The following TLL2 variants were observed in gnomAD, a reference collection of about 807,000 sequenced individuals.
TLL2 encodes tolloid like 2, also known as tolloid-like protein 2.
A neutral mutation model predicts 123.0 loss-of-function variants in TLL2; 106 were observed. That is an observed-to-expected ratio of 0.86 (90% CI 0.74 to 1.01). The LOEUF is 1.01. Among genes scored for constraint, TLL2 ranks in the 50% least tolerant of loss-of-function variants. TLL2 has a pLI of 0.00. For synonymous variants in TLL2, 494 were observed against 516.8 expected, an observed-to-expected ratio of 0.96 and a Z score of 0.60; for missense variants, 1,332 against 1,336.7, an observed-to-expected ratio of 1.00 and a Z score of 0.06.
intron 10 of TLL2, among the ~76,000 whole-genome samples, chr10:96,401,503 TACAC>T (rs60660163): frequency 3.4e-4 from 50 of 147,788 alleles, no homozygotes; most frequent in Admixed American, 4.7e-4. Flanking sequence ...GCTGGCACTC[TACAC>T]ACACACACAC....
intron 10 of TLL2, among the ~76,000 whole-genome samples, chr10:96,399,511 C>T (rs929684707): frequency 2.6e-5 from 4 of 152,072 alleles, no homozygotes; most frequent in Non-Finnish European, 4.4e-5. Flanking sequence ...CCACCTGTAG[C>T]CTTTTGGAAT....
Position 96,370,116 on chromosome 10 carries a change from G to C in TLL2, c.2862C>G (p.Tyr954Ter), listed in dbSNP as rs769265877. ...TGGGCGCTGAGCTGTCGTAGCCGTC[G>C]TAGGCTTCCATGTAGTCGTAGCCGC... ...ADCGYDYMEA[Y>*]DGYDSSAPRL... Residue 954 changes from tyrosine to a stop codon, truncating the protein, a stop_gained, in exon 20 of 21, where the codon TAC (tyrosine) becomes TAG (stop). Transcript: ENST00000357947. LOFTEE classifies it high-confidence loss of function. 10 of 1,613,154 alleles carry C rather than the reference G, an allele frequency of 6.2e-6. No homozygotes were observed. The Admixed American group carries it at 1.7e-4, about 27-fold the overall frequency.
chr10:96,416,406 T>G (rs1846562141), intron 7 of TLL2, among the ~76,000 whole-genome samples: 1 of 152,162 alleles, frequency 6.6e-6, no homozygotes. Flanking sequence ...TTGCACCAAC[T>G]CATTTCATCT....
At chr10:96,405,167 A>C (rs988993154) in intron 10 of TLL2, 65 bp downstream of exon 10, 1 of 1,471,754 alleles carries the variant, frequency 6.8e-7, no homozygotes, top group Non-Finnish European at 9.5e-7. Context: ...GACCTTCCAG[A>C]CATTAACAGC....
At chr10:96,439,193 C>T (rs1846826853) in intron 3 of TLL2, among the ~76,000 whole-genome samples, 1 of 149,316 alleles carries the variant, frequency 6.7e-6, no homozygotes, top group Non-Finnish European at 1.5e-5. Context: ...CTCCACCTCC[C>T]AAGTTCAAGA....
In TLL2 at chr10:96,461,907, T is replaced by C. The variant is rs560959819; in HGVS notation, c.287-15739A>G. On this transcript the variant is annotated intron_variant, in intron 2 of 20. Coordinates refer to ENST00000357947, the MANE Select transcript of TLL2 (RefSeq NM_012465.4). ...CCATATCAGTCCCATAGTATAATTC[T>C]GTGTGACCCCATCTATCACCCCTAT... Among the ~76,000 whole-genome samples the C allele has an allele frequency of 3.9e-5, 6 of 152,336 alleles. No homozygotes were observed. In the East Asian group the frequency reaches 1.2e-3, roughly 29 times the overall value.
intron 11 of TLL2, 108 bp downstream of exon 11, chr10:96,397,078 C>T: frequency 1.0e-6 from 1 of 985,878 alleles, no homozygotes; most frequent in Admixed American, 2.5e-5. Context: ...GCCCCCACCC[C>T]TGTGGCTCTG....
intron 1 of TLL2, among the ~76,000 whole-genome samples, chr10:96,486,398 C>T (rs978915413): frequency 3.9e-5 from 6 of 152,314 alleles, no homozygotes; most frequent in African/African-American, 1.4e-4. Flanking sequence ...TACCCTACTT[C>T]AGTTGTTCTG....
chr10:96,476,240 A>ATATATATATATATATATTTTTTTTTTTT lies in TLL2; in HGVS notation c.286+4108_286+4109insAAAAAAAAAAAATATATATATATATATA. 3.9e-4 allele frequency among the ~76,000 whole-genome samples: 8 copies of ATATATATATATATATATTTTTTTTTTTT among 20,476 alleles called. 2 individuals are homozygous for ATATATATATATATATATTTTTTTTTTTT. Among genetic ancestry groups the ATATATATATATATATATTTTTTTTTTTT allele is most frequent in the Admixed American group, 5.2e-4 (1 of 1,916 alleles). 13.4% of individuals were successfully genotyped at this position (20,476 alleles called of 152,430 possible). On this transcript the variant is annotated intron_variant, in intron 2 of 20. Transcript: ENST00000357947. ...TTTATATGTATATATATATATATAT[A>ATATATATATATATATATTTTTTTTTTTT]TTTTATTTTTGTTGTTGTTGTTGTT...
Position 96,379,019 on chromosome 10 carries a change from G to A in TLL2, c.2268C>T (p.Cys756=). ...GGAGCCAGTAGCCGTTTCTGCACCT[G>A]CACAGGTAGCTCCCGAAGGTGTTGA... is the stretch of plus-strand genomic sequence containing the variant. ...ECVNTFGSYL[C]RCRNGYWLHE... The change falls in exon 17 of 21, where the codon TGC becomes TGT. Residue 756 remains cysteine, a synonymous_variant. Coordinates refer to ENST00000357947, the MANE Select transcript of TLL2 (RefSeq NM_012465.4). 6.2e-7 allele frequency: 1 copy of A among 1,614,208 alleles called. No homozygotes were observed. Among genetic ancestry groups the A allele is most frequent in the South Asian group, 1.1e-5 (1 of 91,080 alleles).
chr10:96,368,316 G>C, intron 20 of TLL2, 94 bp from the exon 21 acceptor site: 2 of 1,437,830 alleles, frequency 1.4e-6, no homozygotes, highest in Non-Finnish European at 1.9e-6. Context: ...AAGGACACAG[G>C]ATGTGTCTCT....
At chr10:96,388,384 G>C (rs1325637661) in intron 13 of TLL2, among the ~76,000 whole-genome samples, 2 of 152,142 alleles carry the variant, frequency 1.3e-5, no homozygotes, top group Non-Finnish European at 2.9e-5. Context: ...CTGGGCAACG[G>C]AGCAAGACTC....
At chr10:96,422,034 T>A (rs1212821719) in intron 6 of TLL2, among the ~76,000 whole-genome samples, 1 of 152,214 alleles carries the variant, frequency 6.6e-6, no homozygotes, top group Non-Finnish European at 1.5e-5. Flanking sequence ...TATAAAATTA[T>A]TTGACATAAG....
At chr10:96,429,746 T>C (rs571631586) in intron 4 of TLL2, among the ~76,000 whole-genome samples, 80 of 152,356 alleles carry the variant, frequency 5.3e-4, no homozygotes, top group Non-Finnish European at 9.8e-4. Flanking sequence ...TGTGTACTTT[T>C]GCACGGGGTT....
At chr10:96,384,884 T>A (rs1248789242) in intron 15 of TLL2, 117 bp from the exon 16 acceptor site, 3 of 1,014,118 alleles carry the variant, frequency 3.0e-6, no homozygotes, top group Non-Finnish European at 4.1e-6. Context: ...CGGGGGAGGG[T>A]CCCTTGACTC....
intron 18 of TLL2, among the ~76,000 whole-genome samples, chr10:96,376,146 A>G (rs1846136143): frequency 6.6e-6 from 1 of 152,246 alleles, no homozygotes; most frequent in Non-Finnish European, 1.5e-5. Context: ...TAAGTTGTAG[A>G]AAAAATACGA....
chr10:96,418,991 A>G (rs1846593701), intron 7 of TLL2, among the ~76,000 whole-genome samples: 1 of 152,108 alleles, frequency 6.6e-6, no homozygotes, highest in South Asian at 2.1e-4. Flanking sequence ...CTTGGTCTCT[A>G]GTAGCAGCCT....
intron 1 of TLL2, among the ~76,000 whole-genome samples, chr10:96,505,816 G>T (rs904180837): frequency 6.6e-6 from 1 of 152,184 alleles, no homozygotes; most frequent in African/African-American, 2.4e-5. Flanking sequence ...CATATTTATT[G>T]AGTGCTTCTG....
intron 3 of TLL2, among the ~76,000 whole-genome samples, chr10:96,439,569 C>A (rs1212298131): frequency 6.6e-6 from 1 of 152,148 alleles, no homozygotes; most frequent in Non-Finnish European, 1.5e-5. Flanking sequence ...GAGTTATGTT[C>A]CTTATTCGCT....
Sources: allele counts gnomAD v4.1 joint callset (sites outside exome capture counted in the v4.1 genomes callset), GRCh38; gene constraint gnomAD v4.1.1; transcripts MANE v1.5; gene names NCBI Gene and HGNC (gene_info 2026-07-23, HGNC 2026-07-21).